The following ULBP1 variants were observed in gnomAD, a reference collection of about 807,000 sequenced individuals.
ULBP1 encodes UL16-binding protein 1.
A neutral mutation model predicts 25.3 loss-of-function variants in ULBP1; 28 were observed. The ratio of observed to expected loss-of-function variants is 1.10; its 90% CI spans 0.82 to 1.51. ULBP1 has a LOEUF of 1.51. Ranked by LOEUF, ULBP1 falls within the 40% of genes most tolerant of loss-of-function variation. ULBP1 has a pLI of 0.00. For missense variants in ULBP1, 348 were observed against 290.9 expected (o/e 1.20, Z -1.43); for synonymous variants, 129 against 103.0 (o/e 1.25, Z -1.53).
rs1779252401 is a variant in ULBP1, at chr6:149,968,805, G to C, written c.284G>C (p.Arg95Thr). Residue 95 changes from arginine to threonine, a missense_variant, in exon 2 of 5, where the codon AGA (arginine) becomes ACA (threonine). Coordinates refer to ENST00000229708, the MANE Select transcript of ULBP1 (RefSeq NM_025218.4). ...KTWEEQTETL[R>T]DVVDFLKGQL... is the part of the protein sequence containing the mutation. Reference sequence around the variant, plus strand: ...TGGGAAGAACAAACTGAAACACTAAGAGACGTGGTGGATTTCCTTAAAGGG... The same window carrying C: ...TGGGAAGAACAAACTGAAACACTAACAGACGTGGTGGATTTCCTTAAAGGG... 1.2e-6 allele frequency: 2 copies of C among 1,614,246 alleles called. No individual in the cohort carries two copies. The highest frequency in any genetic ancestry group is 8.5e-7 in the Non-Finnish European group (1 of 1,180,048).
chr6:149,968,014 T>A (rs1779234335), intron 1 of ULBP1, among the ~76,000 whole-genome samples: 1 of 152,194 alleles, frequency 6.6e-6, no homozygotes, highest in Non-Finnish European at 1.5e-5. Context: ...TTCTTTCCCT[T>A]ACACCCTGAT....
rs1779326349 is a variant in ULBP1 at position 149,971,968 on chromosome 6, T to C, written c.*622T>C. 6.6e-6 allele frequency: 1 copy of C among 152,174 alleles called. No homozygotes were observed. The highest frequency in any genetic ancestry group is 2.4e-5 in the African/African-American group (1 of 41,440). 9.4% of individuals were successfully genotyped at this position (152,174 alleles called of 1,614,324 possible). On this transcript the variant is annotated 3_prime_UTR_variant, in exon 5 of 5. Transcript: ENST00000229708. ...TAGAATAGCTGGGACTACAGGCACA[T>C]GCCACCAGGACTGGCAAACTGTTTT...
intron 4 of ULBP1, 83 bp from the exon 5 acceptor site, chr6:149,971,286 G>C (rs1016023177): frequency 1.1e-6 from 1 of 934,658 alleles, no homozygotes; most frequent in African/African-American, 1.8e-5. Context: ...TTCCGAAATG[G>C]GGAGGGCCTG....
chr6:149,966,579 G>A (rs1345707960), intron 1 of ULBP1, among the ~76,000 whole-genome samples: 2 of 152,136 alleles, frequency 1.3e-5, no homozygotes, highest in Non-Finnish European at 1.5e-5. Flanking sequence ...GGGGATCGGG[G>A]CCAACTGCTT....
At chr6:149,970,840 G>C (rs58307895) in intron 4 of ULBP1, among the ~76,000 whole-genome samples, 1 of 152,244 alleles carries the variant, frequency 6.6e-6, no homozygotes, top group South Asian at 2.1e-4. Context: ...GGAGCAGAGT[G>C]GACTCAGGCA....
chr6:149,968,623 C>A lies in ULBP1; in HGVS notation c.102C>A (p.Cys34Ter). 1 of 1,609,106 alleles carries A rather than the reference C, an allele frequency of 6.2e-7. No homozygotes were observed. Among genetic ancestry groups the A allele is most frequent in the Non-Finnish European group, 8.5e-7 (1 of 1,175,892 alleles). The stretch of plus-strand genomic sequence containing the variant: ...CTTCCACAGACACACACTGTCTTTG[C>A]TATGACTTCATCATCACTCCTAAGT... ...RAGWVDTHCL[C>*]YDFIITPKSR... The change falls in exon 2 of 5, where the codon TGC becomes TGA. Residue 34 changes from cysteine (C) to a stop codon, truncating the protein, a stop_gained. Transcript: ENST00000229708. LOFTEE classifies it high-confidence loss of function.
rs1779332354 is a variant in ULBP1, at chr6:149,972,308, A to G, written c.*962A>G. 6.6e-6 allele frequency: 1 copy of G among 152,214 alleles called. No individual in the cohort carries two copies. Among genetic ancestry groups the G allele is most frequent in the Non-Finnish European group, 1.5e-5 (1 of 68,046 alleles). The allele number at this position is 152,214 out of a possible 1,614,324, so 9.4% of individuals were successfully genotyped here. A position where few individuals can be genotyped will look rare whatever the true frequency, so the allele number is the denominator to read the frequency against. On this transcript the variant is annotated 3_prime_UTR_variant, in exon 5 of 5. Transcript: ENST00000229708. Reference sequence around the variant, plus strand: ...CTGGAATATCTGGCCAACCATATGCAGAAGAATGAAACTGAACCCCTACTT... The same window carrying G: ...CTGGAATATCTGGCCAACCATATGCGGAAGAATGAAACTGAACCCCTACTT...
In ULBP1 at chr6:149,964,028, T is replaced by G. The variant is rs202011573; in HGVS notation, c.-22T>G. ...CGAAGGGAACCATCAGCGCCTCCTG[T>G]CCACGGAGCTCCAGGTCTACAATGG... On this transcript the variant is annotated 5_prime_UTR_variant, in exon 1 of 5. Transcript: ENST00000229708. 29 of 1,613,648 alleles carry G rather than the reference T, an allele frequency of 1.8e-5. No individual in the cohort carries two copies. In the East Asian group the frequency reaches 6.2e-4, roughly 35 times the overall value.
chr6:149,971,279 C>A (rs116002437), intron 4 of ULBP1, 90 bp from the exon 5 acceptor site: 21 of 921,084 alleles, frequency 2.3e-5, no homozygotes, highest in Non-Finnish European at 2.6e-5. Flanking sequence ...GGAGAGGTTC[C>A]GAAATGGGGA....
chr6:149,966,504 C>G (rs975681819), intron 1 of ULBP1, among the ~76,000 whole-genome samples: 6 of 152,168 alleles, frequency 3.9e-5, no homozygotes, highest in African/African-American at 1.4e-4. Context: ...TCAGGGCAAT[C>G]AGGGACCCTC....
intron 4 of ULBP1, among the ~76,000 whole-genome samples, chr6:149,970,407 C>T (rs1779293628): frequency 6.6e-6 from 1 of 152,212 alleles, no homozygotes; most frequent in African/African-American, 2.4e-5. Context: ...GAGGGTTTAA[C>T]CAATTCAGGC....
intron 1 of ULBP1, among the ~76,000 whole-genome samples, chr6:149,967,823 C>T (rs962443301): frequency 6.6e-6 from 1 of 152,154 alleles, no homozygotes; most frequent in Non-Finnish European, 1.5e-5. Flanking sequence ...ACCCCCAACC[C>T]CGGCCTTCAG....
chr6:149,966,559 G>T (rs562855178), intron 1 of ULBP1, among the ~76,000 whole-genome samples: 10 of 152,294 alleles, frequency 6.6e-5, no homozygotes, highest in African/African-American at 2.2e-4. Context: ...GTGCAGCCAT[G>T]TAGTGTCCTG....
In ULBP1 at chr6:149,971,492, C is replaced by T. The variant is rs1341265811; in HGVS notation, c.*146C>T. The T allele has an allele frequency of 1.5e-6, 1 of 670,860 alleles. No individual in the cohort carries two copies. Among genetic ancestry groups the T allele is most frequent in the Non-Finnish European group, 1.8e-6 (1 of 545,652 alleles). The allele number at this position is 670,860 out of a possible 1,614,324, so 41.6% of individuals were successfully genotyped here. On this transcript the variant is annotated 3_prime_UTR_variant, in exon 5 of 5. Coordinates refer to ENST00000229708, the MANE Select transcript of ULBP1 (RefSeq NM_025218.4). ...AGCAGGAGTTCAAGCCTTAGCAAGCCCAGAGGCCCCCAGCAGACGATGAGG... is the reference window on the plus strand; with the variant it reads ...AGCAGGAGTTCAAGCCTTAGCAAGCTCAGAGGCCCCCAGCAGACGATGAGG...
chr6:149,968,903 G>C (rs1425278146), intron 2 of ULBP1, 33 bp downstream of exon 2: 1 of 1,598,574 alleles, frequency 6.3e-7, no homozygotes. Context: ...AGCAGACACA[G>C]TAGTAACTTA....
chr6:149,967,772 C>T (rs1010221028), intron 1 of ULBP1, among the ~76,000 whole-genome samples: 2 of 152,078 alleles, frequency 1.3e-5, no homozygotes, highest in Non-Finnish European at 2.9e-5. Context: ...ATTTTCCATC[C>T]CCATTACTAC....
chr6:149,966,959 G>A (rs1748296), intron 1 of ULBP1, among the ~76,000 whole-genome samples: 15,946 of 152,030 alleles, frequency 0.1, 1,124 homozygotes, highest in East Asian at 0.37. Flanking sequence ...TCAAATAGCT[G>A]TATTGGTAGG....
At chr6:149,968,933 T>C (rs1201311870) in intron 2 of ULBP1, 63 bp downstream of exon 2, 18 of 1,563,362 alleles carry the variant, frequency 1.2e-5, no homozygotes, top group Non-Finnish European at 1.5e-5. Flanking sequence ...ATTGATTTCA[T>C]ATGAAAAATA....
Position 149,968,591 on chromosome 6 carries a change from T to C in ULBP1, c.86-16T>C, listed in dbSNP as rs1209050509. ...TTCCCCCCACACCAACCCCCTCCTG[T>C]GTTTTTCTTCCACAGACACACACTG... On this transcript the variant is annotated splice_polypyrimidine_tract_variant and intron_variant, in intron 1 of 4. Transcript: ENST00000229708. 1 of 1,595,354 alleles carries C rather than the reference T, an allele frequency of 6.3e-7. No homozygotes were observed. The highest frequency in any genetic ancestry group is 8.6e-7 in the Non-Finnish European group (1 of 1,167,098).
Sources: allele counts gnomAD v4.1 joint callset (sites outside exome capture counted in the v4.1 genomes callset), GRCh38; gene constraint gnomAD v4.1.1; transcripts MANE v1.5; gene names NCBI Gene and HGNC (gene_info 2026-07-23, HGNC 2026-07-21).